The following SYT14 variants were observed in gnomAD, a reference collection of about 807,000 sequenced individuals.
SYT14 encodes synaptotagmin-14.
In SYT14, 32 loss-of-function variants were observed where a neutral mutation model predicts 74.2. That is an observed-to-expected ratio of 0.43 (90% confidence interval 0.33 to 0.58). SYT14 has a LOEUF of 0.58. SYT14 is among the 20% of genes least tolerant of loss of function. The probability of loss-of-function intolerance (pLI) is 0.05; values close to 1 mark genes in which losing one functional copy is unlikely to be tolerated. For missense variants in SYT14, 791 were observed against 981.8 expected (o/e 0.81, Z 2.60); for synonymous variants, 298 against 337.7 (o/e 0.88, Z 1.29).
chr1:210,045,974 A>G (rs2080877050), intron 5 of SYT14, among the ~76,000 whole-genome samples: 2 of 152,222 alleles, frequency 1.3e-5, no homozygotes. Flanking sequence ...TATAAATCAC[A>G]TAATACAAAG....
chr1:210,028,899 A>G (rs1031878960), intron 5 of SYT14, among the ~76,000 whole-genome samples: 12 of 152,138 alleles, frequency 7.9e-5, no homozygotes, highest in African/African-American at 2.9e-4. Context: ...GTAGTGTACA[A>G]GCGTTCCAAT....
chr1:210,124,821 T>G (rs2082534020), intron 7 of SYT14, among the ~76,000 whole-genome samples: 1 of 152,162 alleles, frequency 6.6e-6, no homozygotes, highest in Admixed American at 6.5e-5. Flanking sequence ...TACATTTGAT[T>G]GCTTGGCAAA....
chr1:210,072,412 T>G (rs181293915), intron 5 of SYT14, among the ~76,000 whole-genome samples: 3 of 152,000 alleles, frequency 2.0e-5, no homozygotes, highest in Non-Finnish European at 2.9e-5. Flanking sequence ...TTGCCAAAAA[T>G]AGAGCTGGAG....
intron 5 of SYT14, 96 bp downstream of exon 4, chr1:210,021,350 A>G (rs1292954103): frequency 3.6e-6 from 4 of 1,102,560 alleles, no homozygotes; most frequent in Non-Finnish European, 5.4e-6. Context: ...AGAATAAACA[A>G]GAGAGCACAT....
chr1:210,006,569 T>C (rs2079991596), intron 2 of SYT14, among the ~76,000 whole-genome samples: 1 of 151,966 alleles, frequency 6.6e-6, no homozygotes, highest in South Asian at 2.1e-4. Context: ...AAATGAATTA[T>C]TAAAGTATCC....
rs768800059 is a variant in SYT14 at position 209,953,176 on chromosome 1, T to C, written c.-486+420T>C. ...GGGAACATATCCAAAGACCACAACA[T>C]CCTTTGACACCAACAACTGTCTATG... On this transcript the variant is annotated intron_variant, in intron 2 of 9. Coordinates refer to ENST00000637265, the Ensembl canonical transcript of SYT14. 4.7e-6 allele frequency: 6 copies of C among 1,288,220 alleles called. No homozygotes were observed. In the South Asian group the frequency reaches 7.4e-5, roughly 16 times the overall value. 79.8% of individuals were successfully genotyped at this position (1,288,220 alleles called of 1,614,324 possible). A position where few individuals can be genotyped will look rare whatever the true frequency, so the allele number is the denominator to read the frequency against.
Position 210,112,151 on chromosome 1 carries a change from A to C in SYT14, c.2034+11690A>C, listed in dbSNP as rs111726611. Among the ~76,000 whole-genome samples the C allele has an allele frequency of 2.4e-3, 360 of 151,348 alleles. 18 individuals are homozygous for C. The highest frequency in any genetic ancestry group is 8.3e-3 in the African/African-American group (338 of 40,680). On this transcript the variant is annotated intron_variant, in intron 7 of 9. Transcript: ENST00000637265. ...CTCAGACCCTGTGGGAAAGGCCTCT[A>C]CCCATCCAGTGGAAGTGTCTACCCA...
At chr1:210,097,101 A>G (rs181126928) in intron 6 of SYT14, among the ~76,000 whole-genome samples, 4 of 152,364 alleles carry the variant, frequency 2.6e-5, no homozygotes, top group Admixed American at 2.6e-4. Context: ...CAATATAGCA[A>G]ATGCACATTA....
At chr1:209,943,071 A>G (rs1213646032) in intron 1 of SYT14, among the ~76,000 whole-genome samples, 1 of 152,218 alleles carries the variant, frequency 6.6e-6, no homozygotes, top group Non-Finnish European at 1.5e-5. Flanking sequence ...CAAAATTTAG[A>G]CTTTCAAAAG....
rs865998424 is a variant in SYT14 at position 209,938,310 on chromosome 1, C to T, written c.-534+33C>T. ...GAGGCTGACAGCGGGGAGCGAGGAC[C>T]GGGACCACCCAGCTGGCGGGGGGCT... On this transcript the variant is annotated intron_variant, in intron 1 of 9. Transcript: ENST00000637265. The T allele has an allele frequency of 3.4e-5, 52 of 1,542,780 alleles. 2 individuals carry two copies. In the Middle Eastern group the frequency reaches 7.0e-3, roughly 206 times the overall value.
chr1:210,022,028 G>A (rs558101289), intron 5 of SYT14, among the ~76,000 whole-genome samples: 2 of 152,210 alleles, frequency 1.3e-5, no homozygotes, highest in South Asian at 2.1e-4. Flanking sequence ...TTAATAGAAT[G>A]TATGGCTACT....
chr1:210,109,624 AAAC>A (rs1489116676), intron 7 of SYT14, among the ~76,000 whole-genome samples: 1 of 151,872 alleles, frequency 6.6e-6, no homozygotes, highest in Non-Finnish European at 1.5e-5. Context: ...AACAAAAAGG[AAAC>A]AACAGATGCT....
intron 7 of SYT14, among the ~76,000 whole-genome samples, chr1:210,134,872 G>A (rs978421929): frequency 2.0e-5 from 3 of 152,024 alleles, no homozygotes; most frequent in Non-Finnish European, 2.9e-5. Context: ...TATTAATTCT[G>A]GCCACATAAC....
chr1:209,965,682 C>T (rs182540715), intron 2 of SYT14, among the ~76,000 whole-genome samples: 93 of 152,140 alleles, frequency 6.1e-4, no homozygotes, highest in African/African-American at 2.0e-3. Flanking sequence ...ATCAACAGTC[C>T]GTAAGCATTC....
intron 5 of SYT14, among the ~76,000 whole-genome samples, chr1:210,093,254 G>A (rs2081908851): frequency 6.6e-6 from 1 of 151,724 alleles, no homozygotes; most frequent in Admixed American, 6.6e-5. Flanking sequence ...TTTTATCTTA[G>A]GAAGAACAGA....
intron 5 of SYT14, among the ~76,000 whole-genome samples, chr1:210,025,442 A>G (rs1053337442): frequency 6.6e-6 from 1 of 152,230 alleles, no homozygotes; most frequent in Admixed American, 6.5e-5. Flanking sequence ...AATGTGAGTT[A>G]ACTAAAGGGA....
At chr1:210,046,422 AT>A (rs61053874) in intron 5 of SYT14, among the ~76,000 whole-genome samples, 87 of 150,830 alleles carry the variant, frequency 5.8e-4, no homozygotes, top group East Asian at 1.8e-3. Flanking sequence ...CAAGTCAATG[AT>A]TTTTTTTTTT....
chr1:209,963,438 A>G (rs562550614), intron 2 of SYT14, among the ~76,000 whole-genome samples: 10 of 152,226 alleles, frequency 6.6e-5, no homozygotes, highest in African/African-American at 2.4e-4. Context: ...TTATCAACCT[A>G]TTTCATTCTA....
At chr1:210,002,184 T>TA (rs1226448207) in intron 2 of SYT14, among the ~76,000 whole-genome samples, 1 of 152,134 alleles carries the variant, frequency 6.6e-6, no homozygotes, top group African/African-American at 2.4e-5. Context: ...TGAAGAATAA[T>TA]ACTTAAAAGC....
Sources: allele counts gnomAD v4.1 joint callset (sites outside exome capture counted in the v4.1 genomes callset), GRCh38; gene constraint gnomAD v4.1.1; transcripts MANE v1.5; gene names NCBI Gene and HGNC (gene_info 2026-07-23, HGNC 2026-07-21).